Variants in ANK3 observed in about 807,000 individuals in gnomAD.
ANK3 encodes the protein ankyrin 3.
A neutral mutation model predicts 370.9 loss-of-function variants in ANK3; 57 were observed. That is an observed-to-expected ratio of 0.15 (90% CI 0.12 to 0.19). ANK3 has a LOEUF of 0.19. ANK3 is among the 10% of genes least tolerant of loss of function. ANK3 has a pLI of 1.00. For synonymous variants in ANK3, 1,929 were observed against 1,946.3 expected, an observed-to-expected ratio of 0.99 and a Z score of 0.23; for missense variants, 4,439 against 5,302.1, an observed-to-expected ratio of 0.84 and a Z score of 5.06.
chr10:60,595,848 A>T (rs1444177434), intron 2 of ANK3, among the ~76,000 whole-genome samples: 1 of 152,176 alleles, frequency 6.6e-6, no homozygotes, highest in Admixed American at 6.5e-5. Flanking sequence ...TCACTGTCAT[A>T]ATTTTCCTAT....
At chr10:60,156,452 C>T (rs938221755) in intron 23 of ANK3, among the ~76,000 whole-genome samples, 13 of 152,170 alleles carry the variant, frequency 8.5e-5, no homozygotes, top group Non-Finnish European at 1.8e-4. Flanking sequence ...GTAGTGACTA[C>T]AGCCGTGGGG....
At chr10:60,310,921 G>A (rs1478616651) in intron 1 of ANK3, among the ~76,000 whole-genome samples, 1 of 152,154 alleles carries the variant, frequency 6.6e-6, no homozygotes, top group Non-Finnish European at 1.5e-5. Flanking sequence ...AAGGACTGGT[G>A]CATGTCATGT....
At position 60,299,073 on chromosome 10, in the gene ANK3, TA is replaced by T. The variant is rs1176885659; in HGVS notation, c.115-19435del. On this transcript the variant is annotated intron_variant, in intron 1 of 43. Transcript: ENST00000280772. ...ATTACTAGTAAATTACAGTTGACAT[TA>T]ATGTCTGGCATTCATGCACAATCTT... Among the ~76,000 whole-genome samples, 4 of 152,320 alleles carry T rather than the reference TA, an allele frequency of 2.6e-5. No individual in the cohort carries two copies. In the East Asian group the frequency reaches 7.7e-4, roughly 29 times the overall value.
intron 23 of ANK3, among the ~76,000 whole-genome samples, chr10:60,153,020 C>G (rs151044603): frequency 8.7e-4 from 133 of 152,242 alleles, no homozygotes; most frequent in African/African-American, 3.1e-3. Context: ...TACCAGGAAA[C>G]TTATATAAGA....
At chr10:60,313,376 G>A (rs919196269) in intron 1 of ANK3, among the ~76,000 whole-genome samples, 1 of 151,874 alleles carries the variant, frequency 6.6e-6, no homozygotes, top group Non-Finnish European at 1.5e-5. Flanking sequence ...AATTGAGATT[G>A]CAAAAAAAAG....
chr10:60,722,651 C>T (rs767871010), intron 1 of ANK3, among the ~76,000 whole-genome samples: 1 of 151,976 alleles, frequency 6.6e-6, no homozygotes, highest in Non-Finnish European at 1.5e-5. Context: ...AAATATAACC[C>T]CCAACGTTGG....
rs962602305 is a variant in ANK3, at chr10:60,029,601, T to C, written c.*245A>G. ...TCTTGTATATACACTGCATTGCTAA[T>C]TGCACACGCGCCAATCCGGAAATGA... On this transcript the variant is annotated 3_prime_UTR_variant, in exon 44 of 44. Coordinates refer to ENST00000280772, the MANE Select transcript of ANK3 (RefSeq NM_020987.5). 2.0e-5 allele frequency: 3 copies of C among 152,606 alleles called. No homozygotes were observed. Among genetic ancestry groups the C allele is most frequent in the Non-Finnish European group, 4.4e-5 (3 of 68,028 alleles). 9.5% of individuals were successfully genotyped at this position (152,606 alleles called of 1,614,324 possible).
At chr10:60,299,911 C>T (rs974794054) in intron 1 of ANK3, among the ~76,000 whole-genome samples, 1 of 152,156 alleles carries the variant, frequency 6.6e-6, no homozygotes, top group East Asian at 1.9e-4. Context: ...CATATTGCCC[C>T]TTGTAATTAA....
In ANK3 at chr10:60,337,152, G is replaced by A. The variant is rs529394630; in HGVS notation, c.114+52273C>T. Among the ~76,000 whole-genome samples, 10 of 152,268 alleles carry A rather than the reference G, an allele frequency of 6.6e-5. No individual in the cohort carries two copies. In the South Asian group the frequency reaches 2.1e-3, roughly 32 times the overall value. ...TAACAGATGGTTTAATTATGAGTTG[G>A]ACTTCGCTTTGGTTATGAAACAATA... is the stretch of plus-strand genomic sequence containing the variant. On this transcript the variant is annotated intron_variant, in intron 1 of 43. Coordinates refer to ENST00000280772, the MANE Select transcript of ANK3 (RefSeq NM_020987.5).
At chr10:60,387,436 T>A (rs879910420) in intron 1 of ANK3, among the ~76,000 whole-genome samples, 3 of 137,302 alleles carry the variant, frequency 2.2e-5, no homozygotes, top group Non-Finnish European at 4.7e-5. Context: ...AGTCTTAACT[T>A]TGTACATTAC....
chr10:60,606,344 T>C (rs2078127980), intron 2 of ANK3, among the ~76,000 whole-genome samples: 1 of 152,112 alleles, frequency 6.6e-6, no homozygotes, highest in Non-Finnish European at 1.5e-5. Context: ...AATTAATTGG[T>C]CTCATGAGAT....
chr10:60,423,961 C>T (rs928782051), intron 2 of ANK3, among the ~76,000 whole-genome samples: 1 of 151,988 alleles, frequency 6.6e-6, no homozygotes, highest in South Asian at 2.1e-4. Flanking sequence ...TTCACATAAG[C>T]GTTTTAATAT....
chr10:60,693,056 C>A (rs562489981), intron 1 of ANK3, among the ~76,000 whole-genome samples: 1 of 152,162 alleles, frequency 6.6e-6, no homozygotes, highest in African/African-American at 2.4e-5. Context: ...GCACCATGCA[C>A]GAGCCGAAGC....
intron 1 of ANK3, among the ~76,000 whole-genome samples, chr10:60,379,626 C>A (rs2061289951): frequency 6.6e-6 from 1 of 151,904 alleles, no homozygotes; most frequent in African/African-American, 2.4e-5. Context: ...CAGGAAGTTA[C>A]ACACTGCATG....
intron 2 of ANK3, among the ~76,000 whole-genome samples, chr10:60,451,687 G>A (rs1307434849): frequency 6.6e-6 from 1 of 152,174 alleles, no homozygotes; most frequent in East Asian, 1.9e-4. Flanking sequence ...AGTCAGCTGG[G>A]GCCCAAGGAC....
intron 1 of ANK3, among the ~76,000 whole-genome samples, chr10:60,379,844 A>G (rs2061320919): frequency 6.6e-6 from 1 of 152,152 alleles, no homozygotes; most frequent in Non-Finnish European, 1.5e-5. Flanking sequence ...AGTTTCAAAT[A>G]GGTAGATGGA....
intron 2 of ANK3, among the ~76,000 whole-genome samples, chr10:60,471,623 G>A (rs868583287): frequency 6.6e-6 from 1 of 152,040 alleles, no homozygotes; most frequent in South Asian, 2.1e-4. Flanking sequence ...GAAATTGTTT[G>A]ATCAAACACT....
At chr10:60,255,769 T>C (rs1200136539) in intron 7 of ANK3, among the ~76,000 whole-genome samples, 1 of 152,216 alleles carries the variant, frequency 6.6e-6, no homozygotes, top group East Asian at 1.9e-4. Context: ...CCACTAGCTA[T>C]TGAGCACTTA....
intron 36 of ANK3, among the ~76,000 whole-genome samples, 181 bp from the exon 37 acceptor site, chr10:60,076,629 C>A (rs549703571): frequency 1.9e-4 from 28 of 148,272 alleles, no homozygotes; most frequent in African/African-American, 7.0e-4. Context: ...AAACAAATTT[C>A]TACAGACATA....
Sources: allele counts gnomAD v4.1 joint callset (sites outside exome capture counted in the v4.1 genomes callset), GRCh38; gene constraint gnomAD v4.1.1; transcripts MANE v1.5; gene names NCBI Gene and HGNC (gene_info 2026-07-23, HGNC 2026-07-21).